The following SOX6 variants were observed in gnomAD, a reference collection of about 807,000 sequenced individuals.
SOX6 encodes SRY-box transcription factor 6.
In SOX6, 11 loss-of-function variants were observed where a neutral mutation model predicts 97.8. The observed-to-expected ratio is 0.11, with a 90% confidence interval of 0.07 to 0.19. The LOEUF (loss-of-function observed/expected upper bound fraction) is 0.19, where lower values mean the gene tolerates loss of function less well. SOX6 is among the 10% of genes least tolerant of loss of function. The probability of loss-of-function intolerance (pLI) is 1.00; values close to 1 mark genes in which losing one functional copy is unlikely to be tolerated. For synonymous variants in SOX6, 360 were observed against 371.4 expected, an observed-to-expected ratio of 0.97 and a Z score of 0.35; for missense variants, 810 against 1,039.5, an observed-to-expected ratio of 0.78 and a Z score of 3.04.
At chr11:16,094,766 G>A (rs1848758970) in intron 9 of SOX6, among the ~76,000 whole-genome samples, 1 of 151,876 alleles carries the variant, frequency 6.6e-6, no homozygotes, top group Admixed American at 6.6e-5. Flanking sequence ...GAAGGCAGGA[G>A]ATATTCTGAA....
chr11:16,084,797 G>A (rs1184614811), intron 9 of SOX6, among the ~76,000 whole-genome samples: 4 of 152,110 alleles, frequency 2.6e-5, no homozygotes, highest in African/African-American at 4.8e-5. Flanking sequence ...TCATCTTTCT[G>A]TTTCACAGTG....
intron 13 of SOX6, among the ~76,000 whole-genome samples, chr11:15,995,369 C>G (rs1283443980): frequency 6.6e-6 from 1 of 152,148 alleles, no homozygotes; most frequent in Admixed American, 6.5e-5. Flanking sequence ...CCTAACAGTG[C>G]AAAAACTAAG....
At chr11:16,423,402 C>A (rs77853632) in intron 1 of SOX6, among the ~76,000 whole-genome samples, 1 of 152,238 alleles carries the variant, frequency 6.6e-6, no homozygotes, top group African/African-American at 2.4e-5. Context: ...TTAATAAATG[C>A]AAATGATGAG....
intron 4 of SOX6, among the ~76,000 whole-genome samples, chr11:16,191,297 T>A (rs1238161270): frequency 6.6e-6 from 1 of 152,004 alleles, no homozygotes; most frequent in African/African-American, 2.4e-5. Context: ...TCTCCAAAAA[T>A]TTTTTTGTAA....
chr11:15,970,162 G>A lies in SOX6; in HGVS notation c.*2647C>T, dbSNP rs1853259525. ...TCGTACAACAGTTTCACATTAGTCA[G>A]AAGTGATAAAAAATACCATTTATAT... On this transcript the variant is annotated 3_prime_UTR_variant, in exon 16 of 16. Transcript: ENST00000683767. The A allele has an allele frequency of 6.6e-6, 1 of 152,382 alleles. No homozygotes were observed. The allele number at this position is 152,382 out of a possible 1,614,324, so 9.4% of individuals were successfully genotyped here.
At chr11:16,289,167 A>G (rs182488058) in intron 3 of SOX6, among the ~76,000 whole-genome samples, 195 of 152,032 alleles carry the variant, frequency 1.3e-3, no homozygotes, top group African/African-American at 4.6e-3. Context: ...AACAATTATT[A>G]CTCCCTACTA....
intron 4 of SOX6, among the ~76,000 whole-genome samples, chr11:16,488,374 A>G (rs1860467892): frequency 6.6e-6 from 1 of 152,178 alleles, no homozygotes; most frequent in Admixed American, 6.5e-5. Flanking sequence ...AAAAAAAAAT[A>G]CTTTTAAAGA....
chr11:16,547,681 G>A (rs555450106), intron 4 of SOX6, among the ~76,000 whole-genome samples: 1 of 152,156 alleles, frequency 6.6e-6, no homozygotes, highest in East Asian at 1.9e-4. Context: ...TACAAACAGA[G>A]AGACAAATAG....
At chr11:16,197,065 C>G (rs1363358763) in intron 4 of SOX6, among the ~76,000 whole-genome samples, 1 of 152,034 alleles carries the variant, frequency 6.6e-6, no homozygotes, top group Non-Finnish European at 1.5e-5. Context: ...AACTCCTGAC[C>G]TCAGGTGATC....
At chr11:15,984,224 T>C (rs1295680705) in intron 15 of SOX6, among the ~76,000 whole-genome samples, 1 of 152,230 alleles carries the variant, frequency 6.6e-6, no homozygotes, top group Non-Finnish European at 1.5e-5. Context: ...CATTGGTACA[T>C]GTTGTGGTAT....
intron 4 of SOX6, among the ~76,000 whole-genome samples, chr11:16,538,910 G>A (rs1200915800): frequency 6.6e-6 from 1 of 152,128 alleles, no homozygotes; most frequent in Non-Finnish European, 1.5e-5. Flanking sequence ...ATATTAGACA[G>A]ATCAACGAGA....
intron 2 of SOX6, among the ~76,000 whole-genome samples, chr11:16,337,808 C>G (rs566275616): frequency 6.2e-4 from 95 of 152,228 alleles, no homozygotes; most frequent in African/African-American, 2.1e-3. Context: ...TCTAAAATTT[C>G]TATTCTCCTT....
At chr11:16,477,684 A>T (rs1241161286), upstream of SOX6, among the ~76,000 whole-genome samples, 1 of 152,108 alleles carries the variant, frequency 6.6e-6, no homozygotes, top group Non-Finnish European at 1.5e-5. Flanking sequence ...AAAAATCTCT[A>T]AAAAAAGTTT....
At chr11:16,347,095 C>T (rs1856793636) in intron 1 of SOX6, among the ~76,000 whole-genome samples, 1 of 152,058 alleles carries the variant, frequency 6.6e-6, no homozygotes, top group South Asian at 2.1e-4. Flanking sequence ...ATTGTTTCTC[C>T]TGATAATGTT....
chr11:16,082,928 T>C (rs996314273), intron 9 of SOX6, among the ~76,000 whole-genome samples: 5 of 152,178 alleles, frequency 3.3e-5, no homozygotes, highest in Non-Finnish European at 7.4e-5. Context: ...CTGTGCCAAC[T>C]GTTTGTCGTT....
intron 3 of SOX6, among the ~76,000 whole-genome samples, chr11:16,238,171 G>A (rs949682313): frequency 3.3e-5 from 5 of 151,742 alleles, no homozygotes; most frequent in Non-Finnish European, 7.4e-5. Context: ...CAAAAATCGC[G>A]AGCTGGACTT....
At chr11:16,203,311 C>A (rs1193683540) in intron 4 of SOX6, among the ~76,000 whole-genome samples, 1 of 130,272 alleles carries the variant, frequency 7.7e-6, no homozygotes, top group Non-Finnish European at 1.7e-5. Flanking sequence ...AAACTCATGG[C>A]AGGGAAAAAA....
At chr11:16,387,754 T>G (rs1338334680) in intron 1 of SOX6, among the ~76,000 whole-genome samples, 1 of 152,128 alleles carries the variant, frequency 6.6e-6, no homozygotes, top group Non-Finnish European at 1.5e-5. Flanking sequence ...TTTTTACTAA[T>G]TTTAATTTTA....
chr11:16,733,192 A>G (rs1848364081), intron 2 of SOX6, among the ~76,000 whole-genome samples: 1 of 152,264 alleles, frequency 6.6e-6, no homozygotes, highest in South Asian at 2.1e-4. Flanking sequence ...ATCTAGAACA[A>G]GAAATGCCAT....
Sources: gnomAD v4.1 joint callset for allele counts (sites outside exome capture counted in the v4.1 genomes callset) on GRCh38, gnomAD v4.1.1 for gene constraint, MANE v1.5 for transcripts, NCBI Gene and HGNC (gene_info 2026-07-23, HGNC 2026-07-21) for gene names.